The following SLC24A2 variants were observed in gnomAD, a reference collection of about 807,000 sequenced individuals.
SLC24A2 encodes the protein solute carrier family 24 member 2.
SLC24A2 carries 36 observed loss-of-function variants against 62.0 expected under a neutral mutation model. The ratio of observed to expected loss-of-function variants is 0.58; its 90% CI spans 0.44 to 0.77. The LOEUF (loss-of-function observed/expected upper bound fraction) is 0.77, where lower values mean the gene tolerates loss of function less well. SLC24A2 is among the 30% of genes least tolerant of loss of function. The pLI, the probability that SLC24A2 is intolerant of heterozygous loss-of-function variation, is 0.00. For synonymous variants in SLC24A2, 358 were observed against 294.0 expected (o/e 1.22, Z -2.23); for missense variants, 846 against 817.9 (o/e 1.03, Z -0.42).
chr9:20,004,455 C>T, the SLC24A2 span, among the ~76,000 whole-genome samples: 1 of 152,090 alleles, frequency 6.6e-6, no homozygotes, highest in South Asian at 2.1e-4. Flanking sequence ...AAGTATAGTC[C>T]TAACTATCTT....
the SLC24A2 span, among the ~76,000 whole-genome samples, chr9:20,196,328 C>T: frequency 6.6e-6 from 1 of 152,158 alleles, no homozygotes; most frequent in Non-Finnish European, 1.5e-5. Flanking sequence ...GTGAAATGCC[C>T]CGCAGCCCCC....
chr9:19,595,602 G>T lies in SLC24A2; in HGVS notation c.1129+1627C>A, dbSNP rs144060119. On this transcript the variant is annotated intron_variant, in intron 5 of 10. Coordinates refer to ENST00000341998, the MANE Select transcript of SLC24A2 (RefSeq NM_020344.4). ...CGGTTGTTATCAAGTGATAGAATCA[G>T]ATTGGAAGTAGAATTTGCATCTTCG... 2.6e-4 allele frequency among the ~76,000 whole-genome samples: 39 copies of T among 152,340 alleles called. No homozygotes were observed. In the East Asian group the frequency reaches 6.2e-3, roughly 24 times the overall value.
chr9:19,745,467 G>A (rs2118785723), intron 2 of SLC24A2, among the ~76,000 whole-genome samples: 1 of 152,268 alleles, frequency 6.6e-6, no homozygotes, highest in Non-Finnish European at 1.5e-5. Flanking sequence ...TGGGGGACCT[G>A]CTAGAACTGC....
intron 2 of SLC24A2, among the ~76,000 whole-genome samples, chr9:19,636,341 T>C (rs1176460649): frequency 2.8e-5 from 1 of 35,914 alleles, no homozygotes; most frequent in African/African-American, 1.4e-4. Context: ...CTTTCTTTCT[T>C]TCTTTCTTTC....
intron 2 of SLC24A2, among the ~76,000 whole-genome samples, chr9:19,719,479 T>G (rs779446917): frequency 2.0e-5 from 3 of 150,258 alleles, no homozygotes; most frequent in Non-Finnish European, 2.9e-5. Context: ...TAGACTTTTG[T>G]TGTACAGAGT....
At chr9:20,282,954 C>T in the SLC24A2 span, among the ~76,000 whole-genome samples, 1 of 152,146 alleles carries the variant, frequency 6.6e-6, no homozygotes, top group Non-Finnish European at 1.5e-5. Context: ...ATAAATTCCT[C>T]CAAGTATTAT....
the SLC24A2 span, among the ~76,000 whole-genome samples, chr9:19,947,790 CAAAAAAAA>C: frequency 5.1e-4 from 43 of 84,970 alleles, 2 homozygotes; most frequent in Admixed American, 1.1e-3. Flanking sequence ...GACTCTGTCT[CAAAAAAAA>C]AAAAAAAAAA....
chr9:19,514,608 A>G lies in SLC24A2; in HGVS notation c.*1545T>C, dbSNP rs1471460292. The G allele has an allele frequency of 1.3e-5, 2 of 152,250 alleles. No individual in the cohort carries two copies. Among genetic ancestry groups the G allele is most frequent in the Non-Finnish European group, 2.9e-5 (2 of 68,046 alleles). The allele number at this position is 152,250 out of a possible 1,614,324, so 9.4% of individuals were successfully genotyped here. A position where few individuals can be genotyped will look rare whatever the true frequency, so the allele number is the denominator to read the frequency against. On this transcript the variant is annotated 3_prime_UTR_variant, in exon 11 of 11. Transcript: ENST00000341998. The stretch of plus-strand genomic sequence containing the variant: ...TGGGGGCGTGGAATATTTTAATTTC[A>G]TGCATTCAATGTAATGTTGAGCAAA...
the SLC24A2 span, among the ~76,000 whole-genome samples, chr9:19,862,520 G>A: frequency 1.2e-3 from 175 of 152,110 alleles, 1 homozygote; most frequent in African/African-American, 3.7e-3. Flanking sequence ...ACTGGTAATC[G>A]TTAAGTACAC....
chr9:20,194,909 C>T, the SLC24A2 span, among the ~76,000 whole-genome samples: 80 of 152,152 alleles, frequency 5.3e-4, no homozygotes, highest in African/African-American at 1.8e-3. Flanking sequence ...TACTCCACTG[C>T]TAGAAATAAA....
rs562378679 is a variant in SLC24A2, at chr9:19,744,454, G to C, written c.930+41483C>G. Among the ~76,000 whole-genome samples the C allele has an allele frequency of 9.2e-5, 14 of 152,128 alleles. No homozygotes were observed. The South Asian group carries it at 2.9e-3, about 32-fold the overall frequency. On this transcript the variant is annotated intron_variant, in intron 2 of 10. Transcript: ENST00000341998. The stretch of plus-strand genomic sequence containing the variant: ...TATGTTTACCTTGTTAGATTTTATG[G>C]TTGCAGACTCCTATGCTCGTAGAGG...
At chr9:19,932,914 C>A in the SLC24A2 span, among the ~76,000 whole-genome samples, 1 of 152,220 alleles carries the variant, frequency 6.6e-6, no homozygotes, top group African/African-American at 2.4e-5. Context: ...CTGGTTTCAC[C>A]CTTTTAAGTC....
At chr9:19,729,961 T>C (rs1435128400) in intron 2 of SLC24A2, among the ~76,000 whole-genome samples, 1 of 152,160 alleles carries the variant, frequency 6.6e-6, no homozygotes, top group East Asian at 1.9e-4. Flanking sequence ...TATATGGATC[T>C]AAACATCACT....
the SLC24A2 span, among the ~76,000 whole-genome samples, chr9:19,863,799 A>G: frequency 1.3e-5 from 2 of 151,936 alleles, no homozygotes; most frequent in Non-Finnish European, 2.9e-5. Flanking sequence ...AAGAACTAGA[A>G]AAGGAAACCC....
the SLC24A2 span, among the ~76,000 whole-genome samples, chr9:20,289,078 A>G: frequency 6.6e-6 from 1 of 152,160 alleles, no homozygotes; most frequent in Non-Finnish European, 1.5e-5. Flanking sequence ...ACATTAAGTG[A>G]TGCAGGCAAC....
chr9:20,008,472 C>T, the SLC24A2 span, among the ~76,000 whole-genome samples: 1 of 152,222 alleles, frequency 6.6e-6, no homozygotes, highest in East Asian at 1.9e-4. Context: ...ATAACTGTAT[C>T]TACATTTGTC....
chr9:19,820,564 T>A, the SLC24A2 span, among the ~76,000 whole-genome samples: 1 of 151,584 alleles, frequency 6.6e-6, no homozygotes, highest in African/African-American at 2.4e-5. Flanking sequence ...TAAATAAAAA[T>A]AAAGAGTTAG....
chr9:19,732,678 T>C (rs1022301141), intron 2 of SLC24A2, among the ~76,000 whole-genome samples: 4 of 152,122 alleles, frequency 2.6e-5, no homozygotes, highest in Admixed American at 6.6e-5. Context: ...TCTGTGCTGG[T>C]TCTCCCTCTG....
At chr9:20,067,573 T>G in the SLC24A2 span, among the ~76,000 whole-genome samples, 1 of 152,126 alleles carries the variant, frequency 6.6e-6, no homozygotes, top group Admixed American at 6.6e-5. Flanking sequence ...TATCTATTGT[T>G]CCCATGTTTG....
Sources: allele counts gnomAD v4.1 joint callset (sites outside exome capture counted in the v4.1 genomes callset), GRCh38; gene constraint gnomAD v4.1.1; transcripts MANE v1.5; gene names NCBI Gene and HGNC (gene_info 2026-07-23, HGNC 2026-07-21).